LEF1: variants seen among roughly 807,000 people sequenced by gnomAD.
The protein encoded by LEF1 is lymphoid enhancer-binding factor 1.
A neutral mutation model predicts 51.2 loss-of-function variants in LEF1; 14 were observed. That is an observed-to-expected ratio of 0.27 (90% CI 0.18 to 0.43). LEF1 has a LOEUF of 0.43. LEF1 is among the 20% of genes least tolerant of loss of function. LEF1 has a pLI of 1.00. For missense variants in LEF1, 386 were observed against 512.0 expected (o/e 0.75, Z 2.37); for synonymous variants, 185 against 183.2 (o/e 1.01, Z -0.08).
chr4:108,061,891 T>A (rs1396336891), intron 11 of LEF1, among the ~76,000 whole-genome samples: 1 of 152,224 alleles, frequency 6.6e-6, no homozygotes, highest in Non-Finnish European at 1.5e-5. Context: ...CCACTCAGTA[T>A]TAGTTTAGAA....
At chr4:108,084,945 G>A (rs948706760) in intron 4 of LEF1, among the ~76,000 whole-genome samples, 16 of 152,088 alleles carry the variant, frequency 1.1e-4, no homozygotes, top group African/African-American at 3.6e-4. Context: ...GCTCAGTCGC[G>A]GGGATAAACA....
chr4:108,133,215 G>T (rs935421741), intron 3 of LEF1, among the ~76,000 whole-genome samples: 1 of 152,050 alleles, frequency 6.6e-6, no homozygotes, highest in Non-Finnish European at 1.5e-5. Flanking sequence ...CTCGTGATCC[G>T]CCCGCCCCAG....
chr4:108,157,221 A>ACACACACACACACACACACACAC (rs1430240760), intron 3 of LEF1, among the ~76,000 whole-genome samples: 1 of 51,502 alleles, frequency 1.9e-5, no homozygotes, highest in African/African-American at 7.0e-5. Flanking sequence ...CACACACACA[A>ACACACACACACACACACACACAC]ACACACATAT....
At chr4:108,064,758 C>T (rs889960617) in intron 9 of LEF1, among the ~76,000 whole-genome samples, 1 of 151,838 alleles carries the variant, frequency 6.6e-6, no homozygotes, top group Non-Finnish European at 1.5e-5. Context: ...TACACACACA[C>T]GGATAATGAT....
At chr4:108,103,683 G>A (rs1443936469) in intron 3 of LEF1, among the ~76,000 whole-genome samples, 1 of 152,192 alleles carries the variant, frequency 6.6e-6, no homozygotes, top group Non-Finnish European at 1.5e-5. Context: ...GACACTGTAA[G>A]TCAATGTAAA....
In LEF1 at chr4:108,158,881, A is replaced by T. The variant is rs2110413129; in HGVS notation, c.414+4687T>A. ...CAGGGAAGACTCGATCAAAATAATG[A>T]GGTTGATGAGAGCAAATCTAAGACC... On this transcript the variant is annotated intron_variant, in intron 3 of 11. Transcript: ENST00000265165. Among the ~76,000 whole-genome samples the T allele has an allele frequency of 1.3e-5, 2 of 152,250 alleles. 1 individual carries two copies. Among genetic ancestry groups the T allele is most frequent in the South Asian group, 4.1e-4 (2 of 4,820 alleles).
intron 4 of LEF1, among the ~76,000 whole-genome samples, chr4:108,084,953 A>G (rs907229342): frequency 6.6e-5 from 10 of 152,196 alleles, no homozygotes; most frequent in African/African-American, 2.4e-4. Context: ...GCGGGGATAA[A>G]CAAAATAAAA....
intron 3 of LEF1, among the ~76,000 whole-genome samples, chr4:108,137,283 G>A (rs1184084220): frequency 6.6e-6 from 1 of 152,146 alleles, no homozygotes; most frequent in Non-Finnish European, 1.5e-5. Context: ...GGAGTGGGGT[G>A]AGGGATAAAA....
intron 11 of LEF1, 52 bp downstream of exon 11, chr4:108,063,571 C>G: frequency 7.3e-7 from 1 of 1,378,488 alleles, no homozygotes; most frequent in Non-Finnish European, 1.0e-6. Flanking sequence ...CAAGCAAGTG[C>G]CTCTTTTTAT....
At chr4:108,091,458 A>G (rs1017876408) in intron 3 of LEF1, among the ~76,000 whole-genome samples, 8 of 152,002 alleles carry the variant, frequency 5.3e-5, no homozygotes, top group East Asian at 3.9e-4. Context: ...GGGGGGGAAA[A>G]AAAAGGAAAA....
intron 3 of LEF1, among the ~76,000 whole-genome samples, chr4:108,114,708 A>G (rs953588640): frequency 1.5e-4 from 23 of 152,238 alleles, no homozygotes; most frequent in African/African-American, 4.1e-4. Context: ...GAGCAAGGAA[A>G]ACACCTTGCC....
intron 3 of LEF1, among the ~76,000 whole-genome samples, chr4:108,104,459 ATAAAT>A (rs1560792593): frequency 6.8e-6 from 1 of 147,870 alleles, no homozygotes; most frequent in Non-Finnish European, 1.5e-5. Context: ...AATATTATAT[ATAAAT>A]TATATATATA....
intron 3 of LEF1, among the ~76,000 whole-genome samples, chr4:108,157,150 C>T (rs951866549): frequency 1.6e-4 from 3 of 18,584 alleles, no homozygotes; most frequent in East Asian, 3.9e-3. Context: ...CCTCTTCATT[C>T]TCTCTCTCTC....
chr4:108,131,109 G>A (rs1352132298), intron 3 of LEF1, among the ~76,000 whole-genome samples: 1 of 151,726 alleles, frequency 6.6e-6, no homozygotes, highest in Non-Finnish European at 1.5e-5. Context: ...AGAGCAGCTG[G>A]GACTACAGGT....
At chr4:108,147,985 T>C (rs747997269) in intron 3 of LEF1, among the ~76,000 whole-genome samples, 10 of 152,224 alleles carry the variant, frequency 6.6e-5, no homozygotes, top group Non-Finnish European at 1.5e-4. Context: ...CCAATTCAAA[T>C]TGTAGTCAAA....
At chr4:108,051,713 A>G (rs550378703) in intron 11 of LEF1, among the ~76,000 whole-genome samples, 19 of 152,186 alleles carry the variant, frequency 1.2e-4, no homozygotes, top group Non-Finnish European at 2.5e-4. Context: ...AGGCGGCACA[A>G]GACCCCACCC....
At position 108,079,677 on chromosome 4, in the gene LEF1, A is replaced by C. The variant is rs1739157210; in HGVS notation, c.723-63T>G. ...GCTGTTGCAGCAAAAGCTAGATGGAATTTCAAAGCAATCCACTAACTGCTA... is the reference window on the plus strand; with the variant it reads ...GCTGTTGCAGCAAAAGCTAGATGGACTTTCAAAGCAATCCACTAACTGCTA... On this transcript the variant is annotated intron_variant, in intron 6 of 11. Transcript: ENST00000265165. 4 of 1,573,676 alleles carry C rather than the reference A, an allele frequency of 2.5e-6. No homozygotes were observed. The Admixed American group carries it at 5.1e-5, about 20-fold the overall frequency.
At position 108,133,214 on chromosome 4, in the gene LEF1, C is replaced by T. The variant is rs377069297; in HGVS notation, c.414+30354G>A. Among the ~76,000 whole-genome samples the T allele has an allele frequency of 9.2e-5, 14 of 152,208 alleles. No homozygotes were observed. In the East Asian group the frequency reaches 2.1e-3, roughly 23 times the overall value. On this transcript the variant is annotated intron_variant, in intron 3 of 11. Coordinates refer to ENST00000265165, the MANE Select transcript of LEF1 (RefSeq NM_016269.5). ...GTCTCAAACTCATGACCTCGTGATC[C>T]GCCCGCCCCAGCATCTGCAACAAGT...
At chr4:108,097,949 G>C (rs1740501568) in intron 3 of LEF1, among the ~76,000 whole-genome samples, 1 of 152,172 alleles carries the variant, frequency 6.6e-6, no homozygotes. Context: ...CTACCATCCA[G>C]AGAGCTCAGA....
Sources: allele counts gnomAD v4.1 joint callset (sites outside exome capture counted in the v4.1 genomes callset), GRCh38; gene constraint gnomAD v4.1.1; transcripts MANE v1.5; gene names NCBI Gene and HGNC (gene_info 2026-07-23, HGNC 2026-07-21).